Variants in FBXW2 observed in about 807,000 individuals in gnomAD.
FBXW2 encodes F-box/WD repeat-containing protein 2.
In FBXW2, 12 loss-of-function variants were observed where a neutral mutation model predicts 46.0. The observed-to-expected ratio is 0.26, with a 90% confidence interval of 0.17 to 0.42. The LOEUF (loss-of-function observed/expected upper bound fraction) is 0.42, where lower values mean the gene tolerates loss of function less well. FBXW2 is among the 10% of genes least tolerant of loss of function. FBXW2 has a pLI of 1.00. For missense variants in FBXW2, 360 were observed against 537.0 expected (o/e 0.67, Z 3.26); for synonymous variants, 203 against 209.6 (o/e 0.97, Z 0.27).
chr9:120,769,075 T>C lies in FBXW2; in HGVS notation c.1076+2273A>G, dbSNP rs117420056. On this transcript the variant is annotated intron_variant, in intron 7 of 7. Transcript: ENST00000608872. Reference sequence around the variant, plus strand: ...CCAGACATCCCTGCTGTGCAGAGTCTGGGTCCTTGAACCTAAGTAACCTTA... The same window carrying C: ...CCAGACATCCCTGCTGTGCAGAGTCCGGGTCCTTGAACCTAAGTAACCTTA... Among the ~76,000 whole-genome samples the C allele has an allele frequency of 2.4e-4, 37 of 152,362 alleles. No individual in the cohort carries two copies. In the East Asian group the frequency reaches 6.2e-3, roughly 25 times the overall value.
rs1216151786 is a variant in FBXW2 at position 120,759,498 on chromosome 9, A to C, written c.*5061T>G. 6.6e-6 allele frequency: 1 copy of C among 152,166 alleles called. No homozygotes were observed. The highest frequency in any genetic ancestry group is 1.5e-5 in the Non-Finnish European group (1 of 68,020). 9.4% of individuals were successfully genotyped at this position (152,166 alleles called of 1,614,324 possible). ...GCCCTCTAAATCACAACATACATCAAATTCGTGAAATATGAGTTGATTACT... is the reference window on the plus strand; with the variant it reads ...GCCCTCTAAATCACAACATACATCACATTCGTGAAATATGAGTTGATTACT... On this transcript the variant is annotated 3_prime_UTR_variant, in exon 8 of 8. Transcript: ENST00000608872.
intron 3 of FBXW2, among the ~76,000 whole-genome samples, chr9:120,785,751 CG>C (rs2044706250): frequency 6.6e-6 from 1 of 151,880 alleles, no homozygotes; most frequent in Admixed American, 6.6e-5. Context: ...AAAATTGGGC[CG>C]GGCACGGTGG....
At chr9:120,787,699 A>G in intron 3 of FBXW2, 70 bp downstream of exon 3, 5 of 1,485,992 alleles carry the variant, frequency 3.4e-6, no homozygotes, top group Non-Finnish European at 4.5e-6. Context: ...CTCAAAGCTC[A>G]AGACTGGTTC....
At position 120,778,383 on chromosome 9, in the gene FBXW2, C is replaced by T. The variant is rs762801785; in HGVS notation, c.653G>A (p.Arg218Lys). Residue 218 changes from arginine to lysine, a missense_variant, in exon 4 of 8, where the codon AGG becomes AAG. By Grantham distance (26) the Arg-to-Lys change is conservative. Transcript: ENST00000608872. ...VACWEWSSGARTQHFRGHTGA... is the reference protein window; with the variant it reads ...VACWEWSSGAKTQHFRGHTGA... ...CGTGTGCCCCCGAAAGTGCTGGGTC[C>T]TGGCTCCGGAACTCCATTCCCAGCA... 2 of 1,613,734 alleles carry T rather than the reference C, an allele frequency of 1.2e-6. No individual in the cohort carries two copies. The highest frequency in any genetic ancestry group is 1.7e-6 in the Non-Finnish European group (2 of 1,179,990).
intron 3 of FBXW2, among the ~76,000 whole-genome samples, chr9:120,785,386 C>T (rs575477206): frequency 1.3e-5 from 2 of 152,290 alleles, no homozygotes; most frequent in Non-Finnish European, 2.9e-5. Context: ...GAAAGTACAT[C>T]AAAGCCTAGA....
chr9:120,775,583 C>T (rs897358938), intron 5 of FBXW2, among the ~76,000 whole-genome samples: 1 of 152,174 alleles, frequency 6.6e-6, no homozygotes, highest in Non-Finnish European at 1.5e-5. Flanking sequence ...TGCATTTGAT[C>T]CTCACAACAA....
intron 2 of FBXW2, among the ~76,000 whole-genome samples, chr9:120,790,270 G>A (rs368659130): frequency 6.6e-6 from 1 of 152,280 alleles, no homozygotes; most frequent in East Asian, 1.9e-4. Flanking sequence ...GGATCACGAG[G>A]TCAGGAGATC....
At position 120,758,785 on chromosome 9, in the gene FBXW2, G is replaced by A. The variant is rs2044155722; in HGVS notation, c.*5774C>T. 6.6e-6 allele frequency: 1 copy of A among 152,130 alleles called. No homozygotes were observed. The highest frequency in any genetic ancestry group is 2.1e-4 in the South Asian group (1 of 4,830). 9.4% of individuals were successfully genotyped at this position (152,130 alleles called of 1,614,324 possible). On this transcript the variant is annotated 3_prime_UTR_variant, in exon 8 of 8. Coordinates refer to ENST00000608872, the MANE Select transcript of FBXW2 (RefSeq NM_012164.4). Reference sequence around the variant, plus strand: ...AGGTGCAGGGCCGTGGTACTCAAATGACAAGAAGCCCCGTAAGTTTAAGTT... The same window carrying A: ...AGGTGCAGGGCCGTGGTACTCAAATAACAAGAAGCCCCGTAAGTTTAAGTT...
At chr9:120,767,346 C>G (rs2044294362) in intron 7 of FBXW2, among the ~76,000 whole-genome samples, 1 of 152,156 alleles carries the variant, frequency 6.6e-6, no homozygotes. Flanking sequence ...GAAACTTCTG[C>G]TAAAAGAGGT....
chr9:120,775,559 T>C (rs1175392853), intron 5 of FBXW2, among the ~76,000 whole-genome samples: 1 of 152,216 alleles, frequency 6.6e-6, no homozygotes, highest in East Asian at 1.9e-4. Flanking sequence ...GCGTGGTATA[T>C]CCATTATTAA....
At chr9:120,773,729 G>A (rs987829537) in intron 5 of FBXW2, among the ~76,000 whole-genome samples, 1 of 152,232 alleles carries the variant, frequency 6.6e-6, no homozygotes, top group African/African-American at 2.4e-5. Flanking sequence ...CTTGCTGGGT[G>A]CTGTCCCAAC....
Position 120,764,688 on chromosome 9 carries a change from G to A in FBXW2, c.1236C>T (p.Gly412=), listed in dbSNP as rs1302563951. ...ATGCTTCGCCTGCCAGGAAGCTTGA[G>A]CCTCTCTTTGATTTCCTGTACTCTG... ...PLPEYRKSKR[G]SSFLAGEASW... is the part of the protein sequence containing the mutation. The change falls in exon 8 of 8, where the codon GGC becomes GGT. Residue 412 remains glycine (G), a synonymous_variant. Coordinates refer to ENST00000608872, the MANE Select transcript of FBXW2 (RefSeq NM_012164.4). The A allele has an allele frequency of 2.5e-6, 4 of 1,614,212 alleles. No individual in the cohort carries two copies. The highest frequency in any genetic ancestry group is 2.7e-5 in the African/African-American group (2 of 75,042).
rs965761447 is a variant in FBXW2 at position 120,759,408 on chromosome 9, C to G, written c.*5151G>C. On this transcript the variant is annotated 3_prime_UTR_variant, in exon 8 of 8. Coordinates refer to ENST00000608872, the MANE Select transcript of FBXW2 (RefSeq NM_012164.4). ...GACATCTTGTTCCACAATCACCCCA[C>G]TATTTGCTTAAGCAACCTCTTCTTC... 6.6e-6 allele frequency: 1 copy of G among 152,336 alleles called. No individual in the cohort carries two copies. The highest frequency in any genetic ancestry group is 2.4e-5 in the African/African-American group (1 of 41,580). 9.4% of individuals were successfully genotyped at this position (152,336 alleles called of 1,614,324 possible). A position where few individuals can be genotyped will look rare whatever the true frequency, so the allele number is the denominator to read the frequency against.
intron 2 of FBXW2, chr9:120,792,576 G>A (rs2044870837): frequency 5.4e-6 from 1 of 184,908 alleles, no homozygotes; most frequent in African/African-American, 2.4e-5. Context: ...TAGTTTTAAG[G>A]TGAATTTTTT....
intron 2 of FBXW2, 71 bp downstream of exon 2, chr9:120,793,078 C>T: frequency 1.1e-6 from 1 of 885,898 alleles, no homozygotes; most frequent in South Asian, 1.5e-5. Context: ...TCTCTAAAAT[C>T]CAGATCCCAT....
chr9:120,783,134 TTAAAC>T (rs1381302540), intron 3 of FBXW2, among the ~76,000 whole-genome samples: 1 of 152,168 alleles, frequency 6.6e-6, no homozygotes, highest in African/African-American at 2.4e-5. Flanking sequence ...AACTAATTAT[TTAAAC>T]TAGTTTTTAT....
rs74658775 is a variant in FBXW2, at chr9:120,785,688, T to C, written c.490+2081A>G. Among the ~76,000 whole-genome samples the C allele has an allele frequency of 5.0e-3, 765 of 152,216 alleles. 6 individuals are homozygous for C. Among genetic ancestry groups the C allele is most frequent in the African/African-American group, 0.017 (709 of 41,536 alleles). On this transcript the variant is annotated intron_variant, in intron 3 of 7. Transcript: ENST00000608872. ...GGGAGAAGCAAGTTACTTAACACTA[T>C]ATTGGTATGGCATCAATTCAATCTA...
intron 5 of FBXW2, 118 bp downstream of exon 5, chr9:120,775,975 G>C: frequency 1.7e-6 from 2 of 1,207,284 alleles, no homozygotes; most frequent in Non-Finnish European, 2.3e-6. Flanking sequence ...ATTATGCTTT[G>C]TAGGTACAGC....
chr9:120,771,710 C>G (rs946568077), intron 6 of FBXW2, among the ~76,000 whole-genome samples, 193 bp from the exon 7 acceptor site: 5 of 152,170 alleles, frequency 3.3e-5, no homozygotes. Context: ...TTTAATCTCT[C>G]TTAACTCCAG....
Sources: allele counts gnomAD v4.1 joint callset (sites outside exome capture counted in the v4.1 genomes callset), GRCh38; gene constraint gnomAD v4.1.1; transcripts MANE v1.5; gene names NCBI Gene and HGNC (gene_info 2026-07-23, HGNC 2026-07-21).